NEGR1: variants seen among roughly 807,000 people sequenced by gnomAD.
NEGR1 encodes IgLON family member 4.
Under a neutral mutation model 40.9 loss-of-function variants are expected in NEGR1, and 10 were observed. The observed-to-expected ratio is 0.24, with a 90% CI of 0.15 to 0.42. The LOEUF is 0.42. Ranked by LOEUF, NEGR1 falls within the 10% of genes least tolerant of loss-of-function variation. The probability of loss-of-function intolerance (pLI) is 1.00; values close to 1 mark genes in which losing one functional copy is unlikely to be tolerated. For synonymous variants in NEGR1, 185 were observed against 166.8 expected (o/e 1.11, Z -0.84); for missense variants, 352 against 438.9 (o/e 0.80, Z 1.77).
At chr1:71,439,999 T>C (rs1042642635) in intron 6 of NEGR1, among the ~76,000 whole-genome samples, 1 of 152,164 alleles carries the variant, frequency 6.6e-6, no homozygotes, top group Admixed American at 6.5e-5. Flanking sequence ...CCTGCATAAT[T>C]TTATTGTTTT....
intron 1 of NEGR1, among the ~76,000 whole-genome samples, chr1:72,238,291 G>A (rs1654626164): frequency 6.6e-6 from 1 of 151,508 alleles, no homozygotes; most frequent in Non-Finnish European, 1.5e-5. Flanking sequence ...GGAGAGATAG[G>A]AATATAAATA....
At chr1:72,142,633 T>G (rs1265026465) in intron 1 of NEGR1, among the ~76,000 whole-genome samples, 1 of 151,934 alleles carries the variant, frequency 6.6e-6, no homozygotes, top group Non-Finnish European at 1.5e-5. Context: ...TTGTCTCATT[T>G]AAGCAAAATA....
intron 2 of NEGR1, among the ~76,000 whole-genome samples, chr1:71,933,143 C>T (rs185606413): frequency 3.3e-5 from 5 of 152,116 alleles, no homozygotes; most frequent in African/African-American, 7.2e-5. Flanking sequence ...ACATTCGTAA[C>T]TGCTCAAAAG....
At chr1:71,501,699 T>G (rs932018114) in intron 6 of NEGR1, among the ~76,000 whole-genome samples, 1 of 152,140 alleles carries the variant, frequency 6.6e-6, no homozygotes, top group Non-Finnish European at 1.5e-5. Context: ...TACAACAATG[T>G]GAGAGTGAAA....
intron 2 of NEGR1, among the ~76,000 whole-genome samples, chr1:71,883,501 T>C (rs1452701516): frequency 6.6e-6 from 1 of 152,148 alleles, no homozygotes; most frequent in Non-Finnish European, 1.5e-5. Flanking sequence ...TGAGAAGAGA[T>C]AGAGTCTAAT....
intron 3 of NEGR1, among the ~76,000 whole-genome samples, chr1:71,717,684 C>G (rs942152576): frequency 2.0e-5 from 3 of 152,140 alleles, no homozygotes; most frequent in African/African-American, 4.8e-5. Context: ...CAGTTGTGTA[C>G]CCCTGAAATT....
intron 2 of NEGR1, among the ~76,000 whole-genome samples, chr1:71,919,302 C>T (rs774624890): frequency 6.6e-6 from 1 of 152,174 alleles, no homozygotes; most frequent in Non-Finnish European, 1.5e-5. Flanking sequence ...CACCAATATA[C>T]CAAGGCTCGT....
intron 1 of NEGR1, among the ~76,000 whole-genome samples, chr1:72,266,336 A>G (rs952253854): frequency 1.3e-5 from 2 of 150,944 alleles, no homozygotes; most frequent in Non-Finnish European, 3.0e-5. Flanking sequence ...TACACTGTCA[A>G]ACTAAACAGT....
At chr1:71,936,756 C>T (rs1645908940) in intron 1 of NEGR1, among the ~76,000 whole-genome samples, 3 of 151,976 alleles carry the variant, frequency 2.0e-5, no homozygotes, top group Admixed American at 2.0e-4. Context: ...AAATTTGCAG[C>T]CATTTATTTA....
At chr1:71,449,513 C>T (rs534812714) in intron 6 of NEGR1, among the ~76,000 whole-genome samples, 2 of 152,282 alleles carry the variant, frequency 1.3e-5, no homozygotes, top group Admixed American at 6.5e-5. Flanking sequence ...CTTTAAGTTA[C>T]ATTCTGTGAA....
intron 4 of NEGR1, among the ~76,000 whole-genome samples, chr1:71,629,092 T>A (rs1255257912): frequency 6.6e-6 from 1 of 152,142 alleles, no homozygotes; most frequent in Non-Finnish European, 1.5e-5. Context: ...TCCTTTTTAC[T>A]GGTTGCCATT....
chr1:71,636,329 G>A (rs111927252), intron 4 of NEGR1, among the ~76,000 whole-genome samples: 4,075 of 151,984 alleles, frequency 0.027, 108 homozygotes, highest in Middle Eastern at 0.092. Context: ...TGAGTATTTC[G>A]TACCTTCCTC....
At chr1:71,533,095 C>G (rs1224166501) in intron 6 of NEGR1, among the ~76,000 whole-genome samples, 2 of 151,550 alleles carry the variant, frequency 1.3e-5, no homozygotes, top group Non-Finnish European at 3.0e-5. Context: ...AACACCCCAT[C>G]ACTGACTTTG....
chr1:72,120,582 C>T (rs1412144863), intron 1 of NEGR1, among the ~76,000 whole-genome samples: 2 of 151,464 alleles, frequency 1.3e-5, no homozygotes, highest in African/African-American at 2.4e-5. Context: ...CATATGTATA[C>T]ATGTGCCATG....
At chr1:71,808,255 T>G (rs948735810) in intron 2 of NEGR1, among the ~76,000 whole-genome samples, 7 of 152,202 alleles carry the variant, frequency 4.6e-5, no homozygotes, top group Non-Finnish European at 2.9e-5. Flanking sequence ...TCATGATTTT[T>G]CAAACTTTAT....
rs1646280461 is a variant in NEGR1 at position 71,406,789 on chromosome 1, T to C, written c.*657A>G. 1 of 152,456 alleles carries C rather than the reference T, an allele frequency of 6.6e-6. No homozygotes were observed. Among genetic ancestry groups the C allele is most frequent in the African/African-American group, 2.4e-5 (1 of 41,426 alleles). The allele number at this position is 152,456 out of a possible 1,614,324, so 9.4% of individuals were successfully genotyped here. On this transcript the variant is annotated 3_prime_UTR_variant, in exon 7 of 7. Transcript: ENST00000357731. ...CAAATTGTAAGATTTAGCAAAACATTTTATATTAGTTGGAGACAAAGAGAA... is the reference window on the plus strand; with the variant it reads ...CAAATTGTAAGATTTAGCAAAACATCTTATATTAGTTGGAGACAAAGAGAA...
At chr1:71,902,537 C>G (rs1015047213) in intron 2 of NEGR1, among the ~76,000 whole-genome samples, 26 of 152,154 alleles carry the variant, frequency 1.7e-4, no homozygotes, top group Admixed American at 1.4e-3. Context: ...CCTGCTTGGT[C>G]AGATATTGTC....
chr1:71,634,799 T>A (rs1460748253), intron 4 of NEGR1, among the ~76,000 whole-genome samples: 1 of 152,140 alleles, frequency 6.6e-6, no homozygotes, highest in Admixed American at 6.6e-5. Flanking sequence ...GTGGCTTTAT[T>A]CATAGAAGGG....
intron 2 of NEGR1, among the ~76,000 whole-genome samples, chr1:71,833,557 G>C (rs1054670157): frequency 1.3e-5 from 2 of 152,032 alleles, no homozygotes; most frequent in Non-Finnish European, 2.9e-5. Context: ...CAAAACAAAT[G>C]ACAAATGCAT....
Sources: gnomAD v4.1 joint callset for allele counts (sites outside exome capture counted in the v4.1 genomes callset) on GRCh38, gnomAD v4.1.1 for gene constraint, MANE v1.5 for transcripts, NCBI Gene and HGNC (gene_info 2026-07-23, HGNC 2026-07-21) for gene names.